RCN3: variants seen among roughly 807,000 people sequenced by gnomAD.
The protein encoded by RCN3 is reticulocalbin-3.
Under a neutral mutation model 35.9 loss-of-function variants are expected in RCN3, and 41 were observed. The ratio of observed to expected loss-of-function variants is 1.14; its 90% CI spans 0.89 to 1.48. RCN3 has a LOEUF of 1.48. RCN3 is among the 40% of genes most tolerant of loss of function. RCN3 has a pLI of 0.00. For missense variants in RCN3, 451 were observed against 471.3 expected, an observed-to-expected ratio of 0.96 and a Z score of 0.40; for synonymous variants, 187 against 193.4, an observed-to-expected ratio of 0.97 and a Z score of 0.27.
chr19:49,537,990 C>CT (rs771610301), intron 4 of RCN3, among the ~76,000 whole-genome samples: 14,218 of 142,324 alleles, frequency 0.1, 867 homozygotes, highest in African/African-American at 0.17. Flanking sequence ...TTTCCTTCCT[C>CT]TTTTTTTTTT....
chr19:49,538,456 C>A (rs2080147638), intron 4 of RCN3, among the ~76,000 whole-genome samples: 1 of 151,898 alleles, frequency 6.6e-6, no homozygotes, highest in Non-Finnish European at 1.5e-5. Context: ...TGTGAGCCAC[C>A]ACGCCCGGCC....
chr19:49,534,491 T>C, intron 3 of RCN3, 96 bp downstream of exon 3: 1 of 1,329,550 alleles, frequency 7.5e-7, no homozygotes, highest in Non-Finnish European at 1.0e-6. Flanking sequence ...TTACCCGGAG[T>C]CCCTGGCCCC....
intron 3 of RCN3, among the ~76,000 whole-genome samples, chr19:49,536,632 A>G (rs2080136946): frequency 7.4e-6 from 1 of 135,634 alleles, no homozygotes; most frequent in African/African-American, 2.8e-5. Flanking sequence ...TTTTTGAGAC[A>G]TAGCCTCCCT....
In RCN3 at chr19:49,534,321, C is replaced by A. The variant is rs1294543546; in HGVS notation, c.371C>A (p.Thr124Lys). The change falls in exon 3 of 7, where the codon ACG becomes AAG. Residue 124 changes from threonine to lysine, a missense_variant. Transcript: ENST00000270645. ...IRDSVSAAWDTYDTDRDGRVG... is the reference protein window; with the variant it reads ...IRDSVSAAWDKYDTDRDGRVG... Reference sequence around the variant, plus strand: ...GACTCGGTGAGCGCGGCCTGGGACACGTACGACACGGACCGCGACGGGCGT... The same window carrying A: ...GACTCGGTGAGCGCGGCCTGGGACAAGTACGACACGGACCGCGACGGGCGT... 3 of 1,510,200 alleles carry A rather than the reference C, an allele frequency of 2.0e-6. No homozygotes were observed. Among genetic ancestry groups the A allele is most frequent in the Non-Finnish European group, 2.7e-6 (3 of 1,131,378 alleles). 93.5% of individuals were successfully genotyped at this position (1,510,200 alleles called of 1,614,324 possible).
intron 3 of RCN3, among the ~76,000 whole-genome samples, chr19:49,536,694 C>T (rs1046027239): frequency 4.0e-5 from 6 of 151,300 alleles, no homozygotes; most frequent in Non-Finnish European, 8.8e-5. Flanking sequence ...CGGCAACCTC[C>T]GCTTCCTGGG....
At chr19:49,538,389 G>A (rs1221855732) in intron 4 of RCN3, among the ~76,000 whole-genome samples, 2 of 148,176 alleles carry the variant, frequency 1.3e-5, no homozygotes, top group African/African-American at 5.0e-5. Flanking sequence ...GGATGGTCTC[G>A]ATCTCCTGAC....
chr19:49,534,429 C>T (rs1232402407), intron 3 of RCN3, 34 bp downstream of exon 3: 2 of 1,530,828 alleles, frequency 1.3e-6, no homozygotes, highest in Admixed American at 4.0e-5. Context: ...GCTCCCCATA[C>T]ACCGTGACCC....
chr19:49,530,539 C>T (rs2080103811), intron 2 of RCN3, among the ~76,000 whole-genome samples: 1 of 149,538 alleles, frequency 6.7e-6, no homozygotes, highest in Admixed American at 6.7e-5. Context: ...TCTTGTTGCC[C>T]AGGCTGGAGT....
intron 2 of RCN3, among the ~76,000 whole-genome samples, chr19:49,532,231 G>C (rs1485604843): frequency 7.1e-6 from 1 of 141,768 alleles, no homozygotes. Context: ...TCAGCCTCCC[G>C]AGTAGCTGGG....
intron 3 of RCN3, 124 bp downstream of exon 3, chr19:49,534,519 CTT>C: frequency 1.1e-6 from 1 of 891,202 alleles, no homozygotes; most frequent in Non-Finnish European, 1.6e-6. Flanking sequence ...GCTCTACCCA[CTT>C]TTAGGAGCCC....
intron 5 of RCN3, 115 bp from the exon 6 acceptor site, chr19:49,542,438 G>A (rs2080167033): frequency 1.5e-6 from 1 of 657,484 alleles, no homozygotes; most frequent in South Asian, 2.0e-5. Context: ...CGAGAGAGAG[G>A]GTAGTGAGTT....
chr19:49,528,834 A>G (rs751436338), intron 2 of RCN3, 120 bp downstream of exon 2: 5 of 1,251,940 alleles, frequency 4.0e-6, no homozygotes, highest in Non-Finnish European at 5.3e-6. Flanking sequence ...TGAGAAATGA[A>G]ATTCTACCTT....
intron 5 of RCN3, among the ~76,000 whole-genome samples, chr19:49,539,505 C>T (rs963862817): frequency 6.6e-6 from 1 of 152,096 alleles, no homozygotes; most frequent in African/African-American, 2.4e-5. Context: ...GGAGTTTCTA[C>T]AAAATCAAGG....
chr19:49,541,181 C>T (rs1302129920), intron 5 of RCN3, among the ~76,000 whole-genome samples: 2 of 152,038 alleles, frequency 1.3e-5, no homozygotes, highest in African/African-American at 2.4e-5. Context: ...CCACCTGCCT[C>T]GGCCTCCCAA....
chr19:49,532,097 G>GGCCTT (rs1389397347), intron 2 of RCN3, among the ~76,000 whole-genome samples: 1 of 140,870 alleles, frequency 7.1e-6, no homozygotes, highest in Non-Finnish European at 1.5e-5. Flanking sequence ...CATGGCGCCT[G>GGCCTT]GCCTTTTTTT....
At chr19:49,530,503 T>C (rs1010350381) in intron 2 of RCN3, among the ~76,000 whole-genome samples, 4 of 149,530 alleles carry the variant, frequency 2.7e-5, no homozygotes, top group Non-Finnish European at 6.0e-5. Context: ...TTTTCTTTTT[T>C]TTTTTTTTTT....
At chr19:49,535,227 CA>C (rs1244135681) in intron 3 of RCN3, among the ~76,000 whole-genome samples, 2 of 152,300 alleles carry the variant, frequency 1.3e-5, no homozygotes, top group Non-Finnish European at 2.9e-5. Context: ...CCACACTCTT[CA>C]AACCTCTACC....
intron 4 of RCN3, among the ~76,000 whole-genome samples, chr19:49,538,676 G>A (rs2080148577): frequency 6.6e-6 from 1 of 152,208 alleles, no homozygotes; most frequent in African/African-American, 2.4e-5. Context: ...GCTCCAGAAG[G>A]GCACAAAAAC....
chr19:49,541,808 C>T (rs1385235489), intron 5 of RCN3, among the ~76,000 whole-genome samples: 1 of 146,976 alleles, frequency 6.8e-6, no homozygotes, highest in Non-Finnish European at 1.5e-5. Context: ...GGTGAAACCC[C>T]GCCTCTACTA....
Sources: gnomAD v4.1 joint callset for allele counts (sites outside exome capture counted in the v4.1 genomes callset) on GRCh38, gnomAD v4.1.1 for gene constraint, MANE v1.5 for transcripts, NCBI Gene and HGNC (gene_info 2026-07-23, HGNC 2026-07-21) for gene names.